Variants in CIMAP2 observed in about 807,000 individuals in gnomAD.
CIMAP2 encodes the protein ciliary microtubule-associated protein 2.
chr1:54,816,414 T>A, the CIMAP2 span, among the ~76,000 whole-genome samples: 4 of 152,130 alleles, frequency 2.6e-5, no homozygotes, highest in African/African-American at 9.7e-5. Context: ...TCTCAACCTC[T>A]CTGTTGGTGC....
the CIMAP2 span, among the ~76,000 whole-genome samples, chr1:54,807,365 G>C: frequency 6.6e-6 from 1 of 152,244 alleles, no homozygotes; most frequent in Non-Finnish European, 1.5e-5. Context: ...TGCACCTTGA[G>C]TGCCAAGCCT....
chr1:54,813,813 G>GAA, the CIMAP2 span: 4 of 1,585,266 alleles, frequency 2.5e-6, no homozygotes, highest in South Asian at 3.5e-5. Flanking sequence ...CTTTTTCTTA[G>GAA]AAAAAAAAGC....
At chr1:54,819,412 A>G in the CIMAP2 span, among the ~76,000 whole-genome samples, 1 of 152,190 alleles carries the variant, frequency 6.6e-6, no homozygotes. Context: ...TCTGTTACCC[A>G]GGTGGGAGTG....
At chr1:54,827,027 C>T in the CIMAP2 span, among the ~76,000 whole-genome samples, 1,540 of 152,364 alleles carry the variant, frequency 0.01, 17 homozygotes, top group Admixed American at 0.017. Context: ...ATGTATTCAT[C>T]TGCCTTGTTG....
the CIMAP2 span, chr1:54,807,926 A>G: frequency 6.2e-7 from 1 of 1,607,200 alleles, no homozygotes; most frequent in Admixed American, 1.7e-5. Flanking sequence ...AACCTCAAAG[A>G]CTTCTTAGAA....
the CIMAP2 span, among the ~76,000 whole-genome samples, chr1:54,817,707 G>A: frequency 7.1e-6 from 1 of 140,018 alleles, no homozygotes; most frequent in Non-Finnish European, 1.5e-5. Context: ...TGACAAACAT[G>A]CACTTTATAA....
chr1:54,810,240 G>C, the CIMAP2 span, among the ~76,000 whole-genome samples: 1 of 152,160 alleles, frequency 6.6e-6, no homozygotes, highest in Non-Finnish European at 1.5e-5. Context: ...TAGAGGCTCA[G>C]AAAGGTTGTG....
the CIMAP2 span, among the ~76,000 whole-genome samples, chr1:54,829,722 T>G: frequency 1.4e-4 from 21 of 152,218 alleles, no homozygotes; most frequent in African/African-American, 4.3e-4. Context: ...TTTTGTCTTC[T>G]GAATGTTCCT....
At chr1:54,815,736 G>A in the CIMAP2 span, among the ~76,000 whole-genome samples, 526 of 152,208 alleles carry the variant, frequency 3.5e-3, 4 homozygotes, top group African/African-American at 0.012. Context: ...AGAGAAAGGC[G>A]CTGAGTCCTA....
chr1:54,814,453 G>A, the CIMAP2 span, among the ~76,000 whole-genome samples: 1 of 152,172 alleles, frequency 6.6e-6, no homozygotes, highest in Non-Finnish European at 1.5e-5. Context: ...CCAAAGCACG[G>A]TCTGCCCCCG....
chr1:54,835,393 T>C, the CIMAP2 span, among the ~76,000 whole-genome samples: 1 of 152,044 alleles, frequency 6.6e-6, no homozygotes, highest in Non-Finnish European at 1.5e-5. Flanking sequence ...TTTCACCATG[T>C]TGCCAGGCTG....
the CIMAP2 span, chr1:54,811,765 G>GCCGGGGGGGGGGGGCGCCCCC: frequency 7.7e-7 from 1 of 1,301,332 alleles, no homozygotes; most frequent in Non-Finnish European, 1.1e-6. Flanking sequence ...GGTTCTGACA[G>GCCGGGGGGGGGGGGCGCCCCC]CCTCCATGCC....
chr1:54,811,766 C>CGGGGGGGGGGGGCGG, the CIMAP2 span: 2 of 1,305,188 alleles, frequency 1.5e-6, no homozygotes, highest in Non-Finnish European at 2.2e-6. Flanking sequence ...GTTCTGACAG[C>CGGGGGGGGGGGGCGG]CTCCATGCCC....
At chr1:54,840,203 T>C in the CIMAP2 span, among the ~76,000 whole-genome samples, 1 of 152,240 alleles carries the variant, frequency 6.6e-6, no homozygotes, top group East Asian at 1.9e-4. Context: ...GTTTTGCCTT[T>C]TCCAGAATGT....
At chr1:54,806,280 C>T in the CIMAP2 span, 3 of 1,422,328 alleles carry the variant, frequency 2.1e-6, no homozygotes, top group African/African-American at 1.5e-5. Context: ...CTGCCCACCC[C>T]GAAGCCACGC....
At chr1:54,811,060 T>C in the CIMAP2 span, among the ~76,000 whole-genome samples, 1 of 152,258 alleles carries the variant, frequency 6.6e-6, no homozygotes, top group African/African-American at 2.4e-5. Context: ...CTTCCCTTGC[T>C]TGCAGACATT....
chr1:54,811,765 G>GCCGGCGGGGCCCCCCCCC, the CIMAP2 span: 1 of 1,301,332 alleles, frequency 7.7e-7, no homozygotes, highest in Non-Finnish European at 1.1e-6. Context: ...GGTTCTGACA[G>GCCGGCGGGGCCCCCCCCC]CCTCCATGCC....
the CIMAP2 span, among the ~76,000 whole-genome samples, chr1:54,825,462 A>T: frequency 6.6e-6 from 1 of 152,036 alleles, no homozygotes; most frequent in African/African-American, 2.4e-5. Context: ...TTCAGCTATG[A>T]TCAGCATCAG....
At chr1:54,807,992 G>T in the CIMAP2 span, 2 of 1,585,454 alleles carry the variant, frequency 1.3e-6, no homozygotes, top group Non-Finnish European at 1.7e-6. Context: ...GGGGAGGTTC[G>T]CTTCCGAGGA....
Sources: gnomAD v4.1 joint callset for allele counts (sites outside exome capture counted in the v4.1 genomes callset) on GRCh38, gnomAD v4.1.1 for gene constraint, MANE v1.5 for transcripts, NCBI Gene and HGNC (gene_info 2026-07-23, HGNC 2026-07-21) for gene names.